RBFOX1: variants seen among roughly 807,000 people sequenced by gnomAD.
RBFOX1 encodes the protein RNA binding protein fox-1 homolog 1.
RBFOX1 carries 8 observed loss-of-function variants against 57.7 expected under a neutral mutation model. The ratio of observed to expected loss-of-function variants is 0.14; its 90% confidence interval spans 0.08 to 0.25. RBFOX1 has a LOEUF of 0.25. RBFOX1 is among the 10% of genes least tolerant of loss of function. RBFOX1 has a pLI of 1.00. For synonymous variants in RBFOX1, 326 were observed against 222.4 expected, an observed-to-expected ratio of 1.47 and a Z score of -4.15; for missense variants, 611 against 548.5, an observed-to-expected ratio of 1.11 and a Z score of -1.14.
chr16:5,883,242 T>G (rs2057808301), intron 4 of RBFOX1, among the ~76,000 whole-genome samples: 1 of 152,192 alleles, frequency 6.6e-6, no homozygotes, highest in Non-Finnish European at 1.5e-5. Flanking sequence ...TAAATGTACA[T>G]GTTGATTTTA....
chr16:6,717,583 C>T (rs1603457377), intron 3 of RBFOX1, among the ~76,000 whole-genome samples: 1 of 143,084 alleles, frequency 7.0e-6, no homozygotes, highest in East Asian at 2.0e-4. Flanking sequence ...ATGCTGAAGT[C>T]TTTTTTTTTT....
intron 3 of RBFOX1, among the ~76,000 whole-genome samples, chr16:6,714,146 C>A (rs718971): frequency 1.3e-5 from 2 of 151,936 alleles, no homozygotes. Context: ...TGCACTCTCA[C>A]GCTCTCTCTC....
rs150228504 is a variant in RBFOX1 at position 6,836,070 on chromosome 16, T to G, written c.-16+181420T>G. ...CCTACTGTTCAATAGCTAGCTCAGC[T>G]CTGCTACAAAACGCCTGCTATAGAA... On this transcript the variant is annotated intron_variant, in intron 3 of 15. Transcript: ENST00000550418. Among the ~76,000 whole-genome samples, 700 of 152,342 alleles carry G rather than the reference T, an allele frequency of 4.6e-3. 9 individuals carry two copies. The highest frequency in any genetic ancestry group is 0.015 in the African/African-American group (626 of 41,586).
chr16:7,032,036 C>A (rs187350795), intron 3 of RBFOX1, among the ~76,000 whole-genome samples: 382 of 152,312 alleles, frequency 2.5e-3, no homozygotes, highest in Non-Finnish European at 3.8e-3. Flanking sequence ...AAAGTCGATT[C>A]TCCTTTGTAT....
At chr16:6,482,080 A>T (rs1382885939) in intron 2 of RBFOX1, among the ~76,000 whole-genome samples, 1 of 152,210 alleles carries the variant, frequency 6.6e-6, no homozygotes, top group Non-Finnish European at 1.5e-5. Context: ...TAGCATTTTA[A>T]TATTTGCTTA....
At chr16:5,805,500 A>G (rs538693727) in intron 3 of RBFOX1, among the ~76,000 whole-genome samples, 18 of 152,204 alleles carry the variant, frequency 1.2e-4, no homozygotes, top group Non-Finnish European at 1.5e-4. Flanking sequence ...GTAAGCTTCT[A>G]TGTGGGTTGG....
Position 6,847,969 on chromosome 16 carries a change from A to T in RBFOX1, c.-16+193319A>T, listed in dbSNP as rs552570683. On this transcript the variant is annotated intron_variant, in intron 3 of 15. Coordinates refer to ENST00000550418, the MANE Select transcript of RBFOX1 (RefSeq NM_018723.4). ...CTCAGCCTCCCAAATAGCTAAGACT[A>T]TAGGCACCTGCCACCATGCCCGGCT... 1.4e-4 allele frequency among the ~76,000 whole-genome samples: 22 copies of T among 152,178 alleles called. No individual in the cohort carries two copies. In the East Asian group the frequency reaches 4.3e-3, roughly 30 times the overall value.
At chr16:7,039,508 C>G (rs576787990) in intron 3 of RBFOX1, among the ~76,000 whole-genome samples, 13 of 152,228 alleles carry the variant, frequency 8.5e-5, no homozygotes, top group African/African-American at 3.1e-4. Flanking sequence ...ATTGTTGTGA[C>G]TTTTTGTTTT....
chr16:7,034,648 C>T (rs188741993), intron 3 of RBFOX1, among the ~76,000 whole-genome samples: 3 of 151,580 alleles, frequency 2.0e-5, no homozygotes, highest in African/African-American at 7.3e-5. Context: ...ATCAGTGAGG[C>T]TAGCAGAGGG....
intron 1 of RBFOX1, among the ~76,000 whole-genome samples, chr16:6,054,400 G>A (rs924753528): frequency 6.6e-6 from 1 of 152,100 alleles, no homozygotes; most frequent in African/African-American, 2.4e-5. Context: ...ATCAACCATT[G>A]ATTTAAACAC....
intron 3 of RBFOX1, among the ~76,000 whole-genome samples, chr16:5,728,229 T>C (rs889627514): frequency 2.6e-5 from 4 of 152,200 alleles, no homozygotes; most frequent in African/African-American, 7.2e-5. Flanking sequence ...AGAGAACGAA[T>C]ACAGAAAATG....
intron 4 of RBFOX1, among the ~76,000 whole-genome samples, chr16:7,413,053 AAAAT>A (rs1421426478): frequency 1.3e-5 from 2 of 151,994 alleles, no homozygotes; most frequent in East Asian, 3.8e-4. Flanking sequence ...AAACAAAATA[AAAAT>A]AAATAAAAAT....
At chr16:5,241,094 G>A (rs2062155604) in intron 1 of RBFOX1, among the ~76,000 whole-genome samples, 1 of 152,190 alleles carries the variant, frequency 6.6e-6, no homozygotes, top group Admixed American at 6.5e-5. Flanking sequence ...GAGAGAGGGC[G>A]GCCTTCATTC....
chr16:6,274,105 A>G (rs1028087303), intron 1 of RBFOX1, among the ~76,000 whole-genome samples: 6 of 152,200 alleles, frequency 3.9e-5, no homozygotes, highest in Admixed American at 1.3e-4. Context: ...AGGATGTCAA[A>G]TGATACATTC....
chr16:5,399,019 C>T (rs2066640472), intron 1 of RBFOX1, among the ~76,000 whole-genome samples: 1 of 152,200 alleles, frequency 6.6e-6, no homozygotes, highest in Non-Finnish European at 1.5e-5. Flanking sequence ...GCAGTGACAG[C>T]AGCTACCTGG....
At chr16:7,129,900 C>G (rs1364956579) in intron 4 of RBFOX1, among the ~76,000 whole-genome samples, 2 of 151,956 alleles carry the variant, frequency 1.3e-5, no homozygotes, top group African/African-American at 2.4e-5. Flanking sequence ...GAATGACCCT[C>G]TAGATGATAA....
At position 7,168,960 on chromosome 16, in the gene RBFOX1, C is replaced by T. The variant is rs568597086; in HGVS notation, c.27+116862C>T. 8.5e-5 allele frequency among the ~76,000 whole-genome samples: 13 copies of T among 152,186 alleles called. No individual in the cohort carries two copies. The South Asian group carries it at 1.5e-3, about 17-fold the overall frequency. ...GTGATGTCCTTCCTTGGATGAACTCCATGGGGAATAATTCTGATACTCTAA... is the reference window on the plus strand; with the variant it reads ...GTGATGTCCTTCCTTGGATGAACTCTATGGGGAATAATTCTGATACTCTAA... On this transcript the variant is annotated intron_variant, in intron 4 of 15. Transcript: ENST00000550418.
chr16:5,624,832 G>A (rs949808196), intron 3 of RBFOX1, among the ~76,000 whole-genome samples: 32 of 152,214 alleles, frequency 2.1e-4, no homozygotes, highest in African/African-American at 7.7e-4. Flanking sequence ...GCAGGATGGG[G>A]GGACAGAGAA....
At chr16:6,851,621 C>CT (rs1350935570) in intron 3 of RBFOX1, among the ~76,000 whole-genome samples, 2 of 152,104 alleles carry the variant, frequency 1.3e-5, no homozygotes, top group East Asian at 3.9e-4. Context: ...CTTTACATGC[C>CT]TCCTCTCAAG....
Sources: gnomAD v4.1 joint callset for allele counts (sites outside exome capture counted in the v4.1 genomes callset) on GRCh38, gnomAD v4.1.1 for gene constraint, MANE v1.5 for transcripts, NCBI Gene and HGNC (gene_info 2026-07-23, HGNC 2026-07-21) for gene names.